The following GNB1L variants were observed in gnomAD, a reference collection of about 807,000 sequenced individuals.
GNB1L encodes the protein G protein subunit beta 1 like.
GNB1L carries 20 observed loss-of-function variants against 29.1 expected under a neutral mutation model. The ratio of observed to expected loss-of-function variants is 0.69; its 90% CI spans 0.48 to 1.00. GNB1L has a LOEUF of 1.00. GNB1L is among the 50% of genes least tolerant of loss of function. The pLI, the probability that GNB1L is intolerant of heterozygous loss-of-function variation, is 0.00. For synonymous variants in GNB1L, 193 were observed against 206.5 expected (o/e 0.93, Z 0.56); for missense variants, 421 against 464.9 (o/e 0.91, Z 0.87).
chr22:19,839,527 G>A (rs2145895548), intron 2 of GNB1L, among the ~76,000 whole-genome samples: 1 of 152,176 alleles, frequency 6.6e-6, no homozygotes, highest in African/African-American at 2.4e-5. Flanking sequence ...GAGGATCACT[G>A]AGCCCAGGAG....
chr22:19,850,993 G>C (rs1395089690), intron 2 of GNB1L: 1 of 1,415,356 alleles, frequency 7.1e-7, no homozygotes, highest in African/African-American at 1.4e-5. Flanking sequence ...CTCTGCTGGA[G>C]TTGGGGGAGC....
chr22:19,791,067 C>CA (rs570578612), intron 7 of GNB1L, among the ~76,000 whole-genome samples: 147 of 152,178 alleles, frequency 9.7e-4, no homozygotes, highest in African/African-American at 3.4e-3. Context: ...ACTGTCTTTA[C>CA]AAAAAAAATT....
chr22:19,805,921 G>A (rs558472039), intron 6 of GNB1L, among the ~76,000 whole-genome samples: 3 of 152,218 alleles, frequency 2.0e-5, no homozygotes, highest in Admixed American at 6.5e-5. Flanking sequence ...GTGAATGCAC[G>A]GGATCACTTG....
chr22:19,789,541 G>A (rs1351706946), intron 7 of GNB1L, among the ~76,000 whole-genome samples: 1 of 152,024 alleles, frequency 6.6e-6, no homozygotes, highest in Admixed American at 6.5e-5. Context: ...CCCTGGAGGC[G>A]GCAGGAGCCA....
chr22:19,848,934 C>T (rs1258907700), intron 2 of GNB1L: 26 of 985,304 alleles, frequency 2.6e-5, no homozygotes, highest in Non-Finnish European at 3.0e-5. Flanking sequence ...TCCTAGAGAG[C>T]AACTCTGGGT....
At chr22:19,847,282 G>C in intron 2 of GNB1L, 1 of 984,924 alleles carries the variant, frequency 1.0e-6, no homozygotes, top group Non-Finnish European at 1.2e-6. Context: ...TGCGCTGTTG[G>C]AGATCTTTGT....
At position 19,789,393 on chromosome 22, in the gene GNB1L, G is replaced by A. The variant is rs117742400; in HGVS notation, c.733-433C>T. Among the ~76,000 whole-genome samples, 13 of 152,316 alleles carry A rather than the reference G, an allele frequency of 8.5e-5. No individual in the cohort carries two copies. The East Asian group carries it at 1.7e-3, about 20-fold the overall frequency. On this transcript the variant is annotated intron_variant, in intron 7 of 7. Transcript: ENST00000329517. ...ACCTCACAACCACCCCAAAGCTGAC[G>A]AGGGTGAGAAATACAAACTCCATTT...
Position 19,788,867 on chromosome 22 carries a change from G to A in GNB1L, c.826C>T (p.Arg276Cys), listed in dbSNP as rs536794145. Residue 276 changes from arginine to cysteine, a missense_variant, in exon 8 of 8, where the codon CGC becomes TGC. Transcript: ENST00000329517. ...GTCCGCCAGTGGAACACGCGGATGCGGTGGTCCCAGCCTGCGGTGGCCAGG... is the reference window on the plus strand; with the variant it reads ...GTCCGCCAGTGGAACACGCGGATGCAGTGGTCCCAGCCTGCGGTGGCCAGG... ...KILATAGWDH[R>C]IRVFHWRTMQ... 64 of 1,612,770 alleles carry A rather than the reference G, an allele frequency of 4.0e-5. No homozygotes were observed. The East Asian group carries it at 9.1e-4, about 23-fold the overall frequency.
chr22:19,847,849 C>G, intron 2 of GNB1L: 2 of 787,268 alleles, frequency 2.5e-6, no homozygotes, highest in Non-Finnish European at 3.0e-6. Flanking sequence ...TCCTCTAGTA[C>G]TTTCATAATT....
chr22:19,817,067 G>A (rs1937531480), intron 4 of GNB1L, among the ~76,000 whole-genome samples: 1 of 152,266 alleles, frequency 6.6e-6, no homozygotes, highest in Non-Finnish European at 1.5e-5. Flanking sequence ...GTTCCTGGGA[G>A]ACATGGAGAG....
chr22:19,821,544 G>T (rs1428261950), intron 2 of GNB1L, among the ~76,000 whole-genome samples, 169 bp from the exon 3 acceptor site: 4 of 152,216 alleles, frequency 2.6e-5, no homozygotes, highest in African/African-American at 7.2e-5. Flanking sequence ...TGAACGGCCT[G>T]TGGCTACAGA....
At chr22:19,833,014 G>A (rs921846769) in intron 2 of GNB1L, among the ~76,000 whole-genome samples, 11 of 152,250 alleles carry the variant, frequency 7.2e-5, no homozygotes, top group African/African-American at 2.7e-4. Context: ...GCGAGATGGA[G>A]CTTGTGCAAA....
intron 2 of GNB1L, among the ~76,000 whole-genome samples, chr22:19,827,871 C>A (rs77356811): frequency 0.024 from 3,652 of 152,236 alleles, 144 homozygotes; most frequent in African/African-American, 0.084. Flanking sequence ...GAAACTCACA[C>A]AAGAATGTTC....
At chr22:19,850,164 A>G (rs1938060671) in intron 2 of GNB1L, 3 of 985,402 alleles carry the variant, frequency 3.0e-6, no homozygotes, top group Non-Finnish European at 3.6e-6. Flanking sequence ...TGGAATGCTC[A>G]TGGCCAGGCC....
At chr22:19,807,783 C>T (rs748544138) in intron 5 of GNB1L, among the ~76,000 whole-genome samples, 1 of 152,168 alleles carries the variant, frequency 6.6e-6, no homozygotes, top group Non-Finnish European at 1.5e-5. Flanking sequence ...GCAGAGGGAT[C>T]GTGTCTTAGG....
chr22:19,836,968 ATTT>A (rs35048764), intron 2 of GNB1L, among the ~76,000 whole-genome samples: 2 of 143,978 alleles, frequency 1.4e-5, no homozygotes. Flanking sequence ...TTGAAAAGAG[ATTT>A]TTTTTTTTTT....
intron 2 of GNB1L, among the ~76,000 whole-genome samples, chr22:19,838,668 C>T (rs1937807112): frequency 6.6e-6 from 1 of 152,036 alleles, no homozygotes; most frequent in African/African-American, 2.4e-5. Context: ...ACCATGTTGG[C>T]CAGGATGGTC....
At position 19,801,993 on chromosome 22, in the gene GNB1L, G is replaced by C; in HGVS notation, c.732+8C>G. On this transcript the variant is annotated splice_region_variant and intron_variant, in intron 7 of 7. Transcript: ENST00000329517. Reference sequence around the variant, plus strand: ...GGATAAATGAGACCCGGGGCCTGGCGCACTGACCTGCAGGGCCTGCTGCCA... The same window carrying C: ...GGATAAATGAGACCCGGGGCCTGGCCCACTGACCTGCAGGGCCTGCTGCCA... The C allele has an allele frequency of 6.4e-7, 1 of 1,569,136 alleles. No individual in the cohort carries two copies. Among genetic ancestry groups the C allele is most frequent in the Non-Finnish European group, 8.6e-7 (1 of 1,157,384 alleles).
chr22:19,843,011 C>T (rs145031867), intron 2 of GNB1L, among the ~76,000 whole-genome samples: 29 of 152,352 alleles, frequency 1.9e-4, no homozygotes, highest in African/African-American at 5.3e-4. Flanking sequence ...GAGTCAAAGG[C>T]GCACTTCATA....
Sources: gnomAD v4.1 joint callset for allele counts (sites outside exome capture counted in the v4.1 genomes callset) on GRCh38, gnomAD v4.1.1 for gene constraint, MANE v1.5 for transcripts, NCBI Gene and HGNC (gene_info 2026-07-23, HGNC 2026-07-21) for gene names.